FGF13: variants seen among roughly 807,000 people sequenced by gnomAD.
The protein encoded by FGF13 is fibroblast growth factor 13, also known as fibroblast growth factor homologous factor 2.
FGF13 carries 2 observed loss-of-function variants against 19.5 expected under a neutral mutation model. The observed-to-expected ratio is 0.10, with a 90% confidence interval of 0.04 to 0.32. FGF13 has a LOEUF of 0.32. Among genes scored for constraint, FGF13 ranks in the 10% least tolerant of loss-of-function variants. The probability of loss-of-function intolerance (pLI) is 1.00; values close to 1 mark genes in which losing one functional copy is unlikely to be tolerated. For synonymous variants in FGF13, 72 were observed against 76.9 expected (o/e 0.94, Z 0.33); for missense variants, 113 against 192.7 (o/e 0.59, Z 2.45).
intron 1 of FGF13, among the ~76,000 whole-genome samples, chrX:139,160,703 G>A (rs764185336): frequency 6.2e-5 from 7 of 112,104 alleles, no homozygotes; most frequent in Admixed American, 3.8e-4. Context: ...TACCATCAGA[G>A]AATACTATAA....
intron 1 of FGF13, among the ~76,000 whole-genome samples, chrX:138,915,797 G>T (rs1005734423): frequency 5.4e-5 from 6 of 111,761 alleles, no homozygotes; most frequent in African/African-American, 1.6e-4. Flanking sequence ...TTCCATCACA[G>T]AATTTTTGAA....
intron 1 of FGF13, among the ~76,000 whole-genome samples, chrX:139,152,901 T>G (rs1006487539): frequency 9.0e-6 from 1 of 110,603 alleles, no homozygotes; most frequent in Non-Finnish European, 1.9e-5. Flanking sequence ...GGATCTCAGC[T>G]CTTTGACCTT....
intron 1 of FGF13, among the ~76,000 whole-genome samples, chrX:139,121,408 C>G (rs755318281): frequency 3.9e-4 from 43 of 110,475 alleles, no homozygotes; most frequent in African/African-American, 1.4e-3. Context: ...TTTAATGGTA[C>G]CAAATATTTG....
intron 1 of FGF13, among the ~76,000 whole-genome samples, chrX:139,020,527 C>T (rs146750633): frequency 0.041 from 4,582 of 110,841 alleles, 240 homozygotes; most frequent in African/African-American, 0.14. Flanking sequence ...TCACCCACTC[C>T]GTATTATGGG....
chrX:138,862,260 A>G (rs1379664280), intron 2 of FGF13, among the ~76,000 whole-genome samples: 1 of 111,752 alleles, frequency 8.9e-6, no homozygotes, highest in Non-Finnish European at 1.9e-5. Context: ...AGCAGTTAAC[A>G]AGCCCTCAAT....
intron 1 of FGF13, among the ~76,000 whole-genome samples, chrX:139,089,378 T>C (rs2083425607): frequency 8.9e-6 from 1 of 112,522 alleles, no homozygotes; most frequent in Middle Eastern, 4.2e-3. Context: ...AATACTATTA[T>C]CCTTATGAGA....
intron 1 of FGF13, among the ~76,000 whole-genome samples, chrX:139,115,293 C>T (rs2083631693): frequency 2.7e-5 from 3 of 112,305 alleles, no homozygotes; most frequent in Admixed American, 1.9e-4. Flanking sequence ...ACTAACAAAG[C>T]TCCCATTTTA....
intron 3 of FGF13, among the ~76,000 whole-genome samples, chrX:138,805,585 A>G (rs1246757724): frequency 8.9e-6 from 1 of 112,023 alleles, no homozygotes; most frequent in Admixed American, 9.5e-5. Context: ...AGTTGGAATG[A>G]GAAACAAAAA....
At chrX:138,721,231 T>A (rs2090145543) in intron 1 of FGF13, among the ~76,000 whole-genome samples, 1 of 111,842 alleles carries the variant, frequency 8.9e-6, no homozygotes, top group Non-Finnish European at 1.9e-5. Flanking sequence ...AATAAATAAT[T>A]TTTATGATGA....
intron 3 of FGF13, among the ~76,000 whole-genome samples, chrX:138,812,972 GT>G (rs1381138222): frequency 9.0e-6 from 1 of 111,555 alleles, no homozygotes; most frequent in Non-Finnish European, 1.9e-5. Flanking sequence ...TCCTGTGTTA[GT>G]TTGCTGAGAA....
At chrX:138,790,152 G>A (rs1252045300) in intron 3 of FGF13, among the ~76,000 whole-genome samples, 8 of 104,264 alleles carry the variant, frequency 7.7e-5, no homozygotes, top group African/African-American at 2.4e-4. Context: ...GAGGCTGGAC[G>A]TCTAAGATCA....
intron 1 of FGF13, among the ~76,000 whole-genome samples, chrX:138,999,728 C>A (rs763592249): frequency 9.0e-6 from 1 of 111,645 alleles, no homozygotes; most frequent in East Asian, 2.8e-4. Context: ...CAGGACCAGA[C>A]ACATTCACAA....
At chrX:138,997,155 A>G (rs1312464529) in intron 1 of FGF13, among the ~76,000 whole-genome samples, 1 of 112,120 alleles carries the variant, frequency 8.9e-6, no homozygotes, top group African/African-American at 3.2e-5. Context: ...AAGGACATCC[A>G]CACCAAAACC....
chrX:138,659,702 TACACACCA>T (rs2089470432), intron 3 of FGF13, among the ~76,000 whole-genome samples: 1 of 112,073 alleles, frequency 8.9e-6, no homozygotes, highest in Non-Finnish European at 1.9e-5. Context: ...ATGTGGCACA[TACACACCA>T]TGGAATACTA....
intron 3 of FGF13, among the ~76,000 whole-genome samples, chrX:138,780,193 C>A (rs1427476058): frequency 9.1e-6 from 1 of 109,964 alleles, no homozygotes; most frequent in Non-Finnish European, 1.9e-5. Flanking sequence ...ACAACTGGTA[C>A]CAGCCGCCGC....
At chrX:138,998,700 C>A (rs756177487) in intron 1 of FGF13, among the ~76,000 whole-genome samples, 6 of 111,194 alleles carry the variant, frequency 5.4e-5, no homozygotes, top group Non-Finnish European at 9.4e-5. Context: ...CCTTAGAGAC[C>A]TACAAAGAGA....
intron 2 of FGF13, among the ~76,000 whole-genome samples, chrX:138,706,004 C>G (rs1452132281): frequency 1.8e-5 from 2 of 112,508 alleles, no homozygotes; most frequent in Admixed American, 9.4e-5. Context: ...CAAACACCTT[C>G]TATTTGAAGG....
intron 3 of FGF13, among the ~76,000 whole-genome samples, chrX:138,840,918 C>A (rs1024206100): frequency 9.0e-6 from 1 of 110,966 alleles, no homozygotes; most frequent in African/African-American, 3.3e-5. Flanking sequence ...AGCATTAGGT[C>A]CCTGAAGTCA....
At chrX:138,905,481 C>A (rs1276344831) in intron 1 of FGF13, among the ~76,000 whole-genome samples, 1 of 111,468 alleles carries the variant, frequency 9.0e-6, no homozygotes, top group Non-Finnish European at 1.9e-5. Context: ...GCATGGGAGA[C>A]CCCAGAAGGC....
Sources: gnomAD v4.1 joint callset for allele counts (sites outside exome capture counted in the v4.1 genomes callset) on GRCh38, gnomAD v4.1.1 for gene constraint, MANE v1.5 for transcripts, NCBI Gene and HGNC (gene_info 2026-07-23, HGNC 2026-07-21) for gene names.